Variants in TMEM50B observed in about 807,000 individuals in gnomAD.
The protein encoded by TMEM50B is HCV p7-trans-regulated protein 3.
A neutral mutation model predicts 23.4 loss-of-function variants in TMEM50B; 14 were observed. The observed-to-expected ratio is 0.60, with a 90% CI of 0.39 to 0.93. The LOEUF (loss-of-function observed/expected upper bound fraction) is 0.93, where lower values mean the gene tolerates loss of function less well. Ranked by LOEUF, TMEM50B falls within the 40% of genes least tolerant of loss-of-function variation. The pLI, the probability that TMEM50B is intolerant of heterozygous loss-of-function variation, is 0.00. For synonymous variants in TMEM50B, 64 were observed against 62.3 expected, an observed-to-expected ratio of 1.03 and a Z score of -0.13; for missense variants, 159 against 193.0, an observed-to-expected ratio of 0.82 and a Z score of 1.04.
intron 8 of TMEM50B, among the ~76,000 whole-genome samples, chr21:33,433,810 G>T (rs552906072): frequency 7.9e-5 from 12 of 151,504 alleles, no homozygotes; most frequent in African/African-American, 2.9e-4. Context: ...TTAATGGCAT[G>T]GGGTTGGCTA....
chr21:33,479,239 G>A (rs1380442922), intron 1 of TMEM50B: 1 of 160,638 alleles, frequency 6.2e-6, no homozygotes, highest in African/African-American at 2.4e-5. Context: ...CTTATTTAAC[G>A]GAGCTCAAGG....
At chr21:33,443,873 T>C (rs2084029475) in intron 7 of TMEM50B, among the ~76,000 whole-genome samples, 1 of 141,954 alleles carries the variant, frequency 7.0e-6, no homozygotes, top group South Asian at 2.3e-4. Context: ...TCTGAAAGGT[T>C]ATACAGGAAT....
At chr21:33,478,284 T>C (rs1000962212) in intron 1 of TMEM50B, among the ~76,000 whole-genome samples, 19 of 151,412 alleles carry the variant, frequency 1.3e-4, no homozygotes, top group Non-Finnish European at 2.7e-4. Flanking sequence ...CTGGCCAACA[T>C]GGTGAAACTC....
At position 33,467,034 on chromosome 21, in the gene TMEM50B, ACAC is replaced by A. The variant is rs2084270432; in HGVS notation, c.185_187del (p.Gly62del). The A allele has an allele frequency of 1.9e-6, 3 of 1,613,914 alleles. No homozygotes were observed. Among genetic ancestry groups the A allele is most frequent in the Non-Finnish European group, 2.5e-6 (3 of 1,179,854 alleles). ...CATGAAGAAAGCCAATGTGGAAAAT[ACAC>A]CACATGTGTGAAAGGCATGGTTCAA... On this transcript the variant is annotated inframe_deletion, in exon 3 of 7. Coordinates refer to ENST00000542230, the MANE Select transcript of TMEM50B (RefSeq NM_006134.7).
Position 33,468,866 on chromosome 21 carries a change from T to C in TMEM50B, c.20A>G (p.Asn7Ser), listed in dbSNP as rs753810453. 6.2e-7 allele frequency: 1 copy of C among 1,613,768 alleles called. No homozygotes were observed. Among genetic ancestry groups the C allele is most frequent in the South Asian group, 1.1e-5 (1 of 91,006 alleles). Residue 7 changes from asparagine to serine, a missense_variant, in exon 2 of 7, where the codon AAT becomes AGT. By Grantham distance (46) the Asn-to-Ser change is conservative (BLOSUM62 1). Transcript: ENST00000542230. MAGFLDNFRWPECECID... is the reference protein window; with the variant it reads MAGFLDSFRWPECECID... Reference sequence around the variant, plus strand: ...ACATTCACATTCTGGCCAACGAAAATTATCTAGGAAGCCTGCCATTTTTAC... The same window carrying C: ...ACATTCACATTCTGGCCAACGAAAACTATCTAGGAAGCCTGCCATTTTTAC...
chr21:33,467,141 T>A lies in TMEM50B; in HGVS notation c.100-19A>T, dbSNP rs776996068. On this transcript the variant is annotated intron_variant, in intron 2 of 6. Transcript: ENST00000542230. Reference sequence around the variant, plus strand: ...TAAAAAACTTAAAACACAGCCCAAGTCACTGAAACATTAAAACTCTTGCTA... The same window carrying A: ...TAAAAAACTTAAAACACAGCCCAAGACACTGAAACATTAAAACTCTTGCTA... The A allele has an allele frequency of 3.8e-6, 6 of 1,591,254 alleles. No individual in the cohort carries two copies. In the South Asian group the frequency reaches 4.4e-5, roughly 12 times the overall value.
At chr21:33,434,897 CCTCTGAGACATGA>C (rs2083929348) in intron 8 of TMEM50B, among the ~76,000 whole-genome samples, 1 of 152,144 alleles carries the variant, frequency 6.6e-6, no homozygotes, top group African/African-American at 2.4e-5. Flanking sequence ...ATGAGTCATT[CCTCTGAGACATGA>C]ACAGAAAACA....
At chr21:33,437,759 G>C (rs963812523) in intron 8 of TMEM50B, among the ~76,000 whole-genome samples, 2 of 152,088 alleles carry the variant, frequency 1.3e-5, no homozygotes, top group Non-Finnish European at 2.9e-5. Flanking sequence ...TGAGGTGGGT[G>C]GATCACTTGA....
chr21:33,459,566 G>T (rs1312457916), intron 5 of TMEM50B, among the ~76,000 whole-genome samples: 1 of 151,608 alleles, frequency 6.6e-6, no homozygotes, highest in East Asian at 1.9e-4. Flanking sequence ...TACTTGGGAG[G>T]CTGAGACAGG....
rs121913214 is a variant in TMEM50B at position 33,432,509 on chromosome 21, A to C, written c.*2414T>G. The C allele has an allele frequency of 1.0e-4, 86 of 840,038 alleles. No homozygotes were observed. In the Middle Eastern group the frequency reaches 1.6e-3, roughly 16 times the overall value. The allele number at this position is 840,038 out of a possible 1,614,324, so 52.0% of individuals were successfully genotyped here. A position where few individuals can be genotyped will look rare whatever the true frequency, so the allele number is the denominator to read the frequency against. ...GCTGAGATTTGCAGTAGTGGAGGCTACCAGACAGCTACCACTTGCTTTATT... is the reference window on the plus strand; with the variant it reads ...GCTGAGATTTGCAGTAGTGGAGGCTCCCAGACAGCTACCACTTGCTTTATT... On this transcript the variant is annotated 3_prime_UTR_variant and NMD_transcript_variant, in exon 9 of 9. Transcript: ENST00000420455.
chr21:33,448,408 A>G (rs2084085600), downstream of TMEM50B, among the ~76,000 whole-genome samples: 2 of 152,100 alleles, frequency 1.3e-5, no homozygotes, highest in Non-Finnish European at 2.9e-5. Flanking sequence ...GCACTTTGTG[A>G]GGTTGAGGCA....
chr21:33,441,851 G>C (rs1055979755), intron 7 of TMEM50B, among the ~76,000 whole-genome samples: 1 of 152,064 alleles, frequency 6.6e-6, no homozygotes, highest in African/African-American at 2.4e-5. Context: ...GGCTGGTCTT[G>C]AACTCCTGAC....
intron 1 of TMEM50B, among the ~76,000 whole-genome samples, chr21:33,470,104 TA>T (rs34633073): frequency 0.42 from 62,640 of 149,784 alleles, 14,985 homozygotes; most frequent in Non-Finnish European, 0.55. Flanking sequence ...TAGAAAGAAA[TA>T]AAAAAAAAAT....
chr21:33,441,707 G>A (rs557039609), intron 7 of TMEM50B, among the ~76,000 whole-genome samples: 3 of 152,250 alleles, frequency 2.0e-5, no homozygotes, highest in African/African-American at 7.2e-5. Context: ...ACAGCTCACT[G>A]CAACGTCTGC....
intron 6 of TMEM50B, among the ~76,000 whole-genome samples, chr21:33,454,089 C>T (rs528099187): frequency 1.6e-4 from 17 of 105,170 alleles, no homozygotes; most frequent in South Asian, 6.2e-4. Flanking sequence ...GGCAACAGAG[C>T]GAGAATCCAG....
chr21:33,462,658 C>T (rs537509975), intron 4 of TMEM50B, among the ~76,000 whole-genome samples: 16 of 152,056 alleles, frequency 1.1e-4, no homozygotes, highest in Non-Finnish European at 1.9e-4. Context: ...GGAGACAGAG[C>T]AAGACCTCGT....
chr21:33,447,681 T>TAC (rs764155101), downstream of TMEM50B, among the ~76,000 whole-genome samples: 6,768 of 131,932 alleles, frequency 0.051, 195 homozygotes, highest in African/African-American at 0.09. Context: ...TGTATAGAAA[T>TAC]ACACACACAC....
chr21:33,469,044 G>A, intron 1 of TMEM50B, 118 bp from the exon 2 acceptor site: 1 of 620,424 alleles, frequency 1.6e-6, no homozygotes, highest in South Asian at 2.0e-5. Context: ...TTCTACTATA[G>A]TTAAGAAAAA....
intron 8 of TMEM50B, chr21:33,437,120 G>C (rs954797055): frequency 1.6e-6 from 1 of 606,452 alleles, no homozygotes; most frequent in Admixed American, 3.1e-5. Context: ...TCATGGGGGT[G>C]ACAAGCTTTT....
Sources: allele counts gnomAD v4.1 joint callset (sites outside exome capture counted in the v4.1 genomes callset), GRCh38; gene constraint gnomAD v4.1.1; transcripts MANE v1.5; gene names NCBI Gene and HGNC (gene_info 2026-07-23, HGNC 2026-07-21).